Variants in NHSL1 observed in about 807,000 individuals in gnomAD.
The protein encoded by NHSL1 is NHS-like protein 1.
Under a neutral mutation model 95.0 loss-of-function variants are expected in NHSL1, and 48 were observed. That is an observed-to-expected ratio of 0.51 (90% CI 0.40 to 0.64). The LOEUF (loss-of-function observed/expected upper bound fraction) is 0.64, where lower values mean the gene tolerates loss of function less well. Ranked by LOEUF, NHSL1 falls within the 30% of genes least tolerant of loss-of-function variation. The pLI is 0.00. For missense variants in NHSL1, 1,971 were observed against 2,077.7 expected (o/e 0.95, Z 1.00); for synonymous variants, 783 against 833.9 (o/e 0.94, Z 1.05).
chr6:138,635,045 AG>A (rs1180105278), intron 1 of NHSL1, among the ~76,000 whole-genome samples: 1 of 151,928 alleles, frequency 6.6e-6, no homozygotes, highest in Non-Finnish European at 1.5e-5. Context: ...CAGTGCTAAG[AG>A]GAAAGTTTAT....
chr6:138,445,134 T>C (rs1776781864), intron 4 of NHSL1, among the ~76,000 whole-genome samples: 1 of 152,232 alleles, frequency 6.6e-6, no homozygotes, highest in African/African-American at 2.4e-5. Flanking sequence ...CAAATAATTC[T>C]TCATTCCTGA....
intron 3 of NHSL1, among the ~76,000 whole-genome samples, chr6:138,472,612 T>G (rs1444374224): frequency 6.6e-6 from 1 of 152,220 alleles, no homozygotes; most frequent in African/African-American, 2.4e-5. Flanking sequence ...GTAATTCCAG[T>G]GTCAATCCAC....
chr6:138,654,987 A>C (rs991422482), intron 1 of NHSL1, among the ~76,000 whole-genome samples: 1 of 152,222 alleles, frequency 6.6e-6, no homozygotes, highest in Non-Finnish European at 1.5e-5. Flanking sequence ...ATTTATTTCC[A>C]TACTGGTGGA....
intron 1 of NHSL1, among the ~76,000 whole-genome samples, chr6:138,557,185 A>C (rs1056164459): frequency 2.0e-5 from 3 of 152,246 alleles, no homozygotes; most frequent in Non-Finnish European, 4.4e-5. Context: ...CACCGTACCA[A>C]AACGAAAAGC....
At chr6:138,531,932 T>C (rs997098047) in intron 1 of NHSL1, among the ~76,000 whole-genome samples, 1 of 152,186 alleles carries the variant, frequency 6.6e-6, no homozygotes. Context: ...GTATCAATGG[T>C]AATGAACAAT....
rs563509738 is a variant in NHSL1 at position 138,536,602 on chromosome 6, CTTTT to C, written c.16+9017_16+9020del. 1.9e-3 allele frequency among the ~76,000 whole-genome samples: 151 copies of C among 80,026 alleles called. 1 individual carries two copies. The highest frequency in any genetic ancestry group is 6.3e-3 in the African/African-American group (136 of 21,702). The allele number at this position is 80,026 out of a possible 152,430, so 52.5% of individuals were successfully genotyped here. A position where few individuals can be genotyped will look rare whatever the true frequency, so the allele number is the denominator to read the frequency against. Reference sequence around the variant, plus strand: ...GGTTTTGGAGAGGGACATATGTCATCTTTTTTTTTTTTTTTTTTTTTTTTTTTTT... The same window carrying C: ...GGTTTTGGAGAGGGACATATGTCATCTTTTTTTTTTTTTTTTTTTTTTTTT... On this transcript the variant is annotated intron_variant, in intron 1 of 4. Coordinates refer to the NHSL1 transcript ENST00000342260.
chr6:138,595,272 G>T (rs1169456626), intron 1 of NHSL1, among the ~76,000 whole-genome samples: 4 of 152,220 alleles, frequency 2.6e-5, no homozygotes, highest in Non-Finnish European at 5.9e-5. Flanking sequence ...AAGAGGAAGA[G>T]AGTTAAAAGT....
At chr6:138,592,974 A>G (rs1378821001) in intron 1 of NHSL1, among the ~76,000 whole-genome samples, 1 of 152,188 alleles carries the variant, frequency 6.6e-6, no homozygotes, top group African/African-American at 2.4e-5. Flanking sequence ...ATTTTCTGTT[A>G]TGGACTTTCC....
chr6:138,552,898 T>G (rs967681254), intron 1 of NHSL1, among the ~76,000 whole-genome samples: 20 of 152,210 alleles, frequency 1.3e-4, no homozygotes, highest in Admixed American at 2.0e-4. Context: ...CCAGCCCTGA[T>G]GTCGCTTCAA....
At chr6:138,464,218 G>T in intron 3 of NHSL1, 1 of 779,912 alleles carries the variant, frequency 1.3e-6, no homozygotes, top group African/African-American at 1.8e-5. Flanking sequence ...AGAGGCTGCT[G>T]GCCGCCAGCT....
chr6:138,438,784 G>A (rs1776348793), intron 5 of NHSL1, among the ~76,000 whole-genome samples: 1 of 152,060 alleles, frequency 6.6e-6, no homozygotes, highest in Non-Finnish European at 1.5e-5. Context: ...TAGTTTCTTA[G>A]TATAAACTAC....
chr6:138,584,215 G>C (rs939003283), intron 1 of NHSL1, among the ~76,000 whole-genome samples: 4 of 152,138 alleles, frequency 2.6e-5, no homozygotes, highest in African/African-American at 4.8e-5. Context: ...TAATTCACCT[G>C]ATCCTTTTCC....
intron 1 of NHSL1, among the ~76,000 whole-genome samples, chr6:138,519,922 A>C (rs1781605874): frequency 2.0e-5 from 3 of 152,214 alleles, no homozygotes; most frequent in Non-Finnish European, 4.4e-5. Flanking sequence ...CTAGTTGATC[A>C]AAAATTTTCC....
upstream of NHSL1, among the ~76,000 whole-genome samples, chr6:138,546,680 C>T (rs368388511): frequency 6.6e-6 from 1 of 152,130 alleles, no homozygotes; most frequent in African/African-American, 2.4e-5. Flanking sequence ...AAGCATGTTA[C>T]ACTTCTATGG....
At chr6:138,650,741 G>C (rs1785081385) in intron 1 of NHSL1, 1 of 546,136 alleles carries the variant, frequency 1.8e-6, no homozygotes, top group Admixed American at 1.9e-5. Context: ...TCCCATAGGA[G>C]GTCTCCTTCA....
At chr6:138,436,602 G>T (rs1776116791) in intron 5 of NHSL1, among the ~76,000 whole-genome samples, 1 of 152,230 alleles carries the variant, frequency 6.6e-6, no homozygotes, top group Non-Finnish European at 1.5e-5. Flanking sequence ...ATCTAGCTAG[G>T]TTAATTGATG....
chr6:138,660,598 G>A (rs1458154816), intron 1 of NHSL1, among the ~76,000 whole-genome samples: 10 of 150,184 alleles, frequency 6.7e-5, no homozygotes, highest in Non-Finnish European at 1.2e-4. Flanking sequence ...CCGAGATCGC[G>A]CCACTGCACT....
intron 1 of NHSL1, among the ~76,000 whole-genome samples, chr6:138,596,920 C>T (rs933451536): frequency 6.6e-6 from 1 of 152,034 alleles, no homozygotes; most frequent in African/African-American, 2.4e-5. Flanking sequence ...TCAGGGTTCC[C>T]GCCTTGCAAT....
intron 1 of NHSL1, among the ~76,000 whole-genome samples, chr6:138,638,771 TC>T (rs1304454638): frequency 6.6e-6 from 1 of 152,160 alleles, no homozygotes; most frequent in African/African-American, 2.4e-5. Flanking sequence ...TCTGCTGTCT[TC>T]CCAGCCACTA....
Sources: allele counts gnomAD v4.1 joint callset (sites outside exome capture counted in the v4.1 genomes callset), GRCh38; gene constraint gnomAD v4.1.1; transcripts MANE v1.5; gene names NCBI Gene and HGNC (gene_info 2026-07-23, HGNC 2026-07-21).